Variants in ZFYVE1 observed in about 807,000 individuals in gnomAD.
ZFYVE1 encodes the protein zinc finger FYVE domain-containing protein 1.
Under a neutral mutation model 74.4 loss-of-function variants are expected in ZFYVE1, and 30 were observed. The ratio of observed to expected loss-of-function variants is 0.40; its 90% CI spans 0.30 to 0.55. The LOEUF (loss-of-function observed/expected upper bound fraction) is 0.55, where lower values mean the gene tolerates loss of function less well. Ranked by LOEUF, ZFYVE1 falls within the 20% of genes least tolerant of loss-of-function variation. ZFYVE1 has a pLI of 0.42. For missense variants in ZFYVE1, 703 were observed against 1,011.6 expected (o/e 0.69, Z 4.14); for synonymous variants, 335 against 385.1 (o/e 0.87, Z 1.52).
chr14:73,021,032 C>T (rs898390761), intron 2 of ZFYVE1, among the ~76,000 whole-genome samples: 1 of 152,032 alleles, frequency 6.6e-6, no homozygotes, highest in African/African-American at 2.4e-5. Context: ...CCATGTCTGG[C>T]CTTGATATCC....
chr14:72,980,982 G>C (rs930648211), intron 5 of ZFYVE1, among the ~76,000 whole-genome samples: 5 of 152,282 alleles, frequency 3.3e-5, no homozygotes, highest in African/African-American at 1.2e-4. Context: ...GCTAAAATTT[G>C]CGGATCACTG....
chr14:72,977,734 T>C (rs988487345), intron 8 of ZFYVE1, among the ~76,000 whole-genome samples, 193 bp downstream of exon 8: 1 of 152,178 alleles, frequency 6.6e-6, no homozygotes. Context: ...GTACTTCTAA[T>C]ATATATGCAA....
At chr14:73,000,864 C>G (rs1893854532) in intron 2 of ZFYVE1, among the ~76,000 whole-genome samples, 1 of 152,192 alleles carries the variant, frequency 6.6e-6, no homozygotes. Flanking sequence ...TGTGGTATAT[C>G]CACACACTGA....
rs1204744316 is a variant in ZFYVE1, at chr14:72,975,622, T to C, written c.1735A>G (p.Thr579Ala). ...QSVSELSLGP[T>A]KAVTSWLTDQ... ...GTCAGCCAGGAAGTCACAGCCTTGG[T>C]GGGTCCAAGGCTAAGCTCGGACACC... The change falls in exon 9 of 12, where the codon ACC becomes GCC. Residue 579 changes from threonine to alanine, a missense_variant. By Grantham distance (58) the Thr-to-Ala change is moderately conservative. Transcript: ENST00000556143. This position sits in a 1 kb window ranked among gnomAD's most constrained non-coding sequence, Gnocchi z 4.1. The C allele has an allele frequency of 5.0e-6, 8 of 1,614,178 alleles. No homozygotes were observed. The highest frequency in any genetic ancestry group is 1.3e-5 in the African/African-American group (1 of 75,046).
At chr14:72,996,721 T>TC (rs1893756844) in intron 3 of ZFYVE1, among the ~76,000 whole-genome samples, 2 of 152,318 alleles carry the variant, frequency 1.3e-5, no homozygotes, top group East Asian at 3.9e-4. Flanking sequence ...TGCTCTGGAC[T>TC]CCCACAGCAC....
At chr14:72,988,969 G>C (rs896560709) in intron 4 of ZFYVE1, among the ~76,000 whole-genome samples, 1 of 123,458 alleles carries the variant, frequency 8.1e-6, no homozygotes, top group Non-Finnish European at 1.6e-5. Flanking sequence ...TTGCTGTGTC[G>C]CCCAGGACAG....
At position 72,969,507 on chromosome 14, in the gene ZFYVE1, T is replaced by C. The variant is rs1892972998; in HGVS notation, c.*1375A>G. On this transcript the variant is annotated 3_prime_UTR_variant, in exon 12 of 12. Transcript: ENST00000556143. ...GATGGTACACAGTTCTAGAGTAGGG[T>C]CCCAGTCACTGGACCCCAGGAGGCA... The C allele has an allele frequency of 1.7e-6, 1 of 588,228 alleles. No individual in the cohort carries two copies. Among genetic ancestry groups the C allele is most frequent in the African/African-American group, 1.9e-5 (1 of 53,322 alleles). The allele number at this position is 588,228 out of a possible 1,614,324, so 36.4% of individuals were successfully genotyped here. A position where few individuals can be genotyped will look rare whatever the true frequency, so the allele number is the denominator to read the frequency against.
chr14:72,975,152 A>T lies in ZFYVE1; in HGVS notation c.1807-193T>A. 3.3e-6 allele frequency: 2 copies of T among 611,072 alleles called. No individual in the cohort carries two copies. The highest frequency in any genetic ancestry group is 5.4e-6 in the Non-Finnish European group (2 of 369,116). The allele number at this position is 611,072 out of a possible 1,614,324, so 37.9% of individuals were successfully genotyped here. A position where few individuals can be genotyped will look rare whatever the true frequency, so the allele number is the denominator to read the frequency against. On this transcript the variant is annotated intron_variant, in intron 9 of 11. Coordinates refer to ENST00000556143, the MANE Select transcript of ZFYVE1 (RefSeq NM_021260.4). This position sits in a 1 kb window ranked among gnomAD's most constrained non-coding sequence, Gnocchi z 4.1. ...CCTGGTGGACAGTGAGTTTCCTTTC[A>T]CTAAGTGTCTGGGTTGAAGCTGGGT...
chr14:72,972,034 C>A (rs2806027), intron 11 of ZFYVE1, among the ~76,000 whole-genome samples: 77,964 of 151,776 alleles, frequency 0.51, 20,479 homozygotes, highest in East Asian at 0.62. Flanking sequence ...CCAGCCTGGC[C>A]AACATGGTGA....
intron 2 of ZFYVE1, among the ~76,000 whole-genome samples, chr14:73,009,015 C>T (rs183243489): frequency 1.3e-5 from 2 of 152,342 alleles, no homozygotes; most frequent in Admixed American, 1.3e-4. Flanking sequence ...GTACTCCAGG[C>T]TGGCAGAGAT....
intron 4 of ZFYVE1, among the ~76,000 whole-genome samples, chr14:72,988,481 CT>C (rs113561605): frequency 2.0e-4 from 30 of 150,048 alleles, no homozygotes; most frequent in Non-Finnish European, 3.7e-4. Flanking sequence ...GGCCTAATAA[CT>C]TTTTTTTTAA....
intron 2 of ZFYVE1, among the ~76,000 whole-genome samples, chr14:73,017,568 T>G (rs755304218): frequency 1.3e-5 from 2 of 152,222 alleles, no homozygotes; most frequent in Non-Finnish European, 2.9e-5. Context: ...CCTGGTGTCT[T>G]AAATAAGCAA....
At chr14:72,974,455 A>T (rs2140341870) in intron 10 of ZFYVE1, among the ~76,000 whole-genome samples, 1 of 152,324 alleles carries the variant, frequency 6.6e-6, no homozygotes, top group Non-Finnish European at 1.5e-5. Flanking sequence ...CTAGGAGCGA[A>T]AACTAGAACC....
In ZFYVE1 at chr14:72,975,274, G is replaced by C. The variant is rs139664467; in HGVS notation, c.1806+277C>G. ...CCTTTTCCTCCAGATTCTTATCTGG[G>C]TCCTCACATATCTAAGCAATATTCA... On this transcript the variant is annotated intron_variant, in intron 9 of 11. Coordinates refer to ENST00000556143, the MANE Select transcript of ZFYVE1 (RefSeq NM_021260.4). The surrounding 1 kb of genome is among the most constrained non-coding windows in gnomAD (Gnocchi z 4.1). The C allele has an allele frequency of 4.7e-5, 24 of 511,256 alleles. No homozygotes were observed. Among genetic ancestry groups the C allele is most frequent in the Non-Finnish European group, 6.1e-5 (18 of 293,112 alleles). 31.7% of individuals were successfully genotyped at this position (511,256 alleles called of 1,614,324 possible). A position where few individuals can be genotyped will look rare whatever the true frequency, so the allele number is the denominator to read the frequency against.
Position 72,969,504 on chromosome 14 carries a change from G to T in ZFYVE1, c.*1378C>A. 1.7e-6 allele frequency: 1 copy of T among 588,698 alleles called. No individual in the cohort carries two copies. The allele number at this position is 588,698 out of a possible 1,614,324, so 36.5% of individuals were successfully genotyped here. A position where few individuals can be genotyped will look rare whatever the true frequency, so the allele number is the denominator to read the frequency against. Reference sequence around the variant, plus strand: ...TTGGATGGTACACAGTTCTAGAGTAGGGTCCCAGTCACTGGACCCCAGGAG... The same window carrying T: ...TTGGATGGTACACAGTTCTAGAGTATGGTCCCAGTCACTGGACCCCAGGAG... On this transcript the variant is annotated 3_prime_UTR_variant, in exon 12 of 12. Transcript: ENST00000556143.
At chr14:73,021,976 A>G (rs1220096498) in intron 2 of ZFYVE1, among the ~76,000 whole-genome samples, 1 of 152,218 alleles carries the variant, frequency 6.6e-6, no homozygotes, top group Non-Finnish European at 1.5e-5. Flanking sequence ...GAGGGTTACT[A>G]GTTCATCCCA....
Position 73,006,290 on chromosome 14 carries a change from C to T in ZFYVE1, c.484-7975G>A, listed in dbSNP as rs574391909. The stretch of plus-strand genomic sequence containing the variant: ...CTATCTAATATTGTACTAATCTTTA[C>T]GAGGCTGGGCGTGGTGGCTCACGCC... On this transcript the variant is annotated intron_variant, in intron 2 of 11. Coordinates refer to ENST00000556143, the MANE Select transcript of ZFYVE1 (RefSeq NM_021260.4). Among the ~76,000 whole-genome samples the T allele has an allele frequency of 2.7e-5, 4 of 149,864 alleles. No homozygotes were observed. In the South Asian group the frequency reaches 6.6e-4, roughly 25 times the overall value.
intron 2 of ZFYVE1, among the ~76,000 whole-genome samples, chr14:73,008,690 C>G (rs17491738): frequency 0.07 from 10,604 of 152,210 alleles, 537 homozygotes; most frequent in South Asian, 0.19. Context: ...TGAGGAGCTT[C>G]TGGATGGGAG....
intron 2 of ZFYVE1, among the ~76,000 whole-genome samples, chr14:73,000,531 G>A (rs1012135009): frequency 6.6e-6 from 1 of 151,880 alleles, no homozygotes; most frequent in Non-Finnish European, 1.5e-5. Context: ...TTGAGCTCAG[G>A]AGTTCGAGGC....
Sources: gnomAD v4.1 joint callset for allele counts (sites outside exome capture counted in the v4.1 genomes callset) on GRCh38, gnomAD v4.1.1 for gene constraint, Gnocchi (gnomAD v3.1) non-coding constraint, MANE v1.5 for transcripts, NCBI Gene and HGNC (gene_info 2026-07-23, HGNC 2026-07-21) for gene names.